The following PPP4R4 variants were observed in gnomAD, a reference collection of about 807,000 sequenced individuals.
PPP4R4 encodes serine/threonine-protein phosphatase 4 regulatory subunit 4.
Under a neutral mutation model 121.8 loss-of-function variants are expected in PPP4R4, and 70 were observed. That is an observed-to-expected ratio of 0.57 (90% CI 0.47 to 0.70). The LOEUF (loss-of-function observed/expected upper bound fraction) is 0.70, where lower values mean the gene tolerates loss of function less well. Among genes scored for constraint, PPP4R4 ranks in the 30% least tolerant of loss-of-function variants. PPP4R4 has a pLI of 0.00. For synonymous variants in PPP4R4, 348 were observed against 355.7 expected, an observed-to-expected ratio of 0.98 and a Z score of 0.24; for missense variants, 875 against 1,033.6, an observed-to-expected ratio of 0.85 and a Z score of 2.10.
intron 23 of PPP4R4, among the ~76,000 whole-genome samples, chr14:94,269,769 C>T (rs562359049): frequency 6.6e-6 from 1 of 152,228 alleles, no homozygotes; most frequent in African/African-American, 2.4e-5. Flanking sequence ...AACACGAATC[C>T]ACTGTTCATT....
rs533090505 is a variant in PPP4R4, at chr14:94,231,982, GTTTCTCTTTA to G, written c.516+670_516+679del. ...TGAATATTTTCTCATATTTATATCA[GTTTCTCTTTA>G]TTCCTTTGCAATTGTTTGATCCTAT... On this transcript the variant is annotated intron_variant, in intron 5 of 24. Transcript: ENST00000304338. Among the ~76,000 whole-genome samples, 1,274 of 152,132 alleles carry G rather than the reference GTTTCTCTTTA, an allele frequency of 8.4e-3. 6 individuals are homozygous for G. The highest frequency in any genetic ancestry group is 0.038 in the Middle Eastern group (11 of 292).
intron 22 of PPP4R4, 57 bp downstream of exon 22, chr14:94,265,944 C>A: frequency 2.6e-6 from 3 of 1,141,540 alleles, no homozygotes; most frequent in African/African-American, 1.6e-5. Context: ...TTCACATCTT[C>A]ATATATATGA....
intron 2 of PPP4R4, among the ~76,000 whole-genome samples, chr14:94,187,093 T>A (rs1414909741): frequency 6.6e-6 from 1 of 152,080 alleles, no homozygotes; most frequent in Non-Finnish European, 1.5e-5. Context: ...GGTGGGCAGA[T>A]CACAAGGCAG....
At position 94,258,283 on chromosome 14, in the gene PPP4R4, G is replaced by T. The variant is rs1334378951; in HGVS notation, c.2011-500G>T. The stretch of plus-strand genomic sequence containing the variant: ...GTTAGATTGACCATTGTTTTGATTG[G>T]GATAATTTGTTTCAAACTAGTGTAT... On this transcript the variant is annotated intron_variant, in intron 17 of 24. Coordinates refer to ENST00000304338, the MANE Select transcript of PPP4R4 (RefSeq NM_058237.2). Among the ~76,000 whole-genome samples the T allele has an allele frequency of 2.0e-5, 3 of 152,012 alleles. No homozygotes were observed. The East Asian group carries it at 5.8e-4, about 29-fold the overall frequency.
chr14:94,176,240 C>A, intron 2 of PPP4R4, 113 bp downstream of exon 2: 1 of 886,680 alleles, frequency 1.1e-6, no homozygotes, highest in Non-Finnish European at 1.9e-6. Context: ...GCCACTTGAA[C>A]AGAGTACTTT....
intron 14 of PPP4R4, among the ~76,000 whole-genome samples, chr14:94,248,541 G>C (rs1292320024): frequency 6.6e-6 from 1 of 152,040 alleles, no homozygotes; most frequent in Non-Finnish European, 1.5e-5. Context: ...ATTTTTCACA[G>C]AATTAAAAAA....
chr14:94,200,686 C>T (rs576142102), intron 2 of PPP4R4, among the ~76,000 whole-genome samples: 3 of 151,958 alleles, frequency 2.0e-5, no homozygotes, highest in South Asian at 4.1e-4. Context: ...TGATATCTCC[C>T]GTTTCATTTC....
intron 3 of PPP4R4, among the ~76,000 whole-genome samples, chr14:94,221,304 G>T (rs1200252622): frequency 6.6e-6 from 1 of 152,082 alleles, no homozygotes; most frequent in Non-Finnish European, 1.5e-5. Flanking sequence ...GTGACCTTGG[G>T]TTAGGTAAAA....
Position 94,242,275 on chromosome 14 carries a change from T to G in PPP4R4, c.1147-14T>G, listed in dbSNP as rs1296665140. 6.2e-7 allele frequency: 1 copy of G among 1,610,450 alleles called. No homozygotes were observed. Among genetic ancestry groups the G allele is most frequent in the South Asian group, 1.1e-5 (1 of 90,826 alleles). ...TTTCCTTCCCACTCATCTCCTCCCT[T>G]CCACCTCCACCAGGCCATGATTGTT... is the stretch of plus-strand genomic sequence containing the variant. On this transcript the variant is annotated splice_polypyrimidine_tract_variant and intron_variant, in intron 10 of 24. Transcript: ENST00000304338.
intron 19 of PPP4R4, 49 bp downstream of exon 19, chr14:94,259,418 C>T: frequency 1.4e-6 from 2 of 1,459,328 alleles, no homozygotes; most frequent in Non-Finnish European, 1.8e-6. Flanking sequence ...TGATTAATAA[C>T]TGTGTTTTTT....
Position 94,174,351 on chromosome 14 carries a change from T to C in PPP4R4, c.-115T>C. On this transcript the variant is annotated 5_prime_UTR_variant, in exon 1 of 25. Coordinates refer to ENST00000304338, the MANE Select transcript of PPP4R4 (RefSeq NM_058237.2). ...CTCCCGCCGCCTGGCAGCCTCACGC[T>C]CGGCTCCAGCGGCCAAGAGCCGGAG... 1.0e-6 allele frequency: 1 copy of C among 970,668 alleles called. No individual in the cohort carries two copies. Among genetic ancestry groups the C allele is most frequent in the Non-Finnish European group, 1.3e-6 (1 of 744,394 alleles). 60.1% of individuals were successfully genotyped at this position (970,668 alleles called of 1,614,324 possible).
intron 3 of PPP4R4, among the ~76,000 whole-genome samples, chr14:94,215,957 T>G (rs1890997570): frequency 6.6e-6 from 1 of 152,238 alleles, no homozygotes; most frequent in Admixed American, 6.5e-5. Flanking sequence ...TTAGCTGGTA[T>G]GCATTATAGA....
intron 2 of PPP4R4, among the ~76,000 whole-genome samples, chr14:94,201,905 C>T (rs975490652): frequency 6.7e-6 from 1 of 149,588 alleles, no homozygotes; most frequent in Admixed American, 6.6e-5. Flanking sequence ...GCCCATCAGT[C>T]AATGAGTAGA....
At chr14:94,184,365 C>T (rs968326144) in intron 2 of PPP4R4, among the ~76,000 whole-genome samples, 5 of 151,900 alleles carry the variant, frequency 3.3e-5, no homozygotes, top group African/African-American at 1.2e-4. Flanking sequence ...CTCAAGTGTT[C>T]CTCCTGCCTC....
Position 94,256,434 on chromosome 14 carries a change from CAA to C in PPP4R4, c.1866-25_1866-24del, listed in dbSNP as rs777781989. 5.9e-6 allele frequency: 9 copies of C among 1,529,702 alleles called. No individual in the cohort carries two copies. In the East Asian group the frequency reaches 6.8e-5, roughly 12 times the overall value. 94.8% of individuals were successfully genotyped at this position (1,529,702 alleles called of 1,614,324 possible). A position where few individuals can be genotyped will look rare whatever the true frequency, so the allele number is the denominator to read the frequency against. On this transcript the variant is annotated intron_variant, in intron 16 of 24. Coordinates refer to ENST00000304338, the MANE Select transcript of PPP4R4 (RefSeq NM_058237.2). Reference sequence around the variant, plus strand: ...GTTATTCTTAGTTATTAACTTCACTCAAGAGTAAATACTATTTTATTGTAGAA... The same window carrying C: ...GTTATTCTTAGTTATTAACTTCACTCGAGTAAATACTATTTTATTGTAGAA...
At chr14:94,217,843 A>T (rs182787811) in intron 3 of PPP4R4, among the ~76,000 whole-genome samples, 1 of 152,240 alleles carries the variant, frequency 6.6e-6, no homozygotes. Flanking sequence ...AAAAATACAA[A>T]ATTAGCCAGG....
intron 23 of PPP4R4, among the ~76,000 whole-genome samples, chr14:94,272,399 C>T (rs1894383624): frequency 6.6e-6 from 1 of 152,120 alleles, no homozygotes; most frequent in South Asian, 2.1e-4. Flanking sequence ...AAAGCCAATA[C>T]AATGGAGAAA....
intron 3 of PPP4R4, among the ~76,000 whole-genome samples, chr14:94,224,937 G>C (rs1891614213): frequency 6.6e-6 from 1 of 151,942 alleles, no homozygotes; most frequent in Non-Finnish European, 1.5e-5. Flanking sequence ...ATATCACAAG[G>C]GTTTTGGCAA....
At chr14:94,182,420 C>T (rs546398627) in intron 2 of PPP4R4, among the ~76,000 whole-genome samples, 2 of 152,212 alleles carry the variant, frequency 1.3e-5, no homozygotes, top group South Asian at 4.1e-4. Flanking sequence ...CTTTGTATTC[C>T]TGTCCCAGTG....
Sources: gnomAD v4.1 joint callset for allele counts (sites outside exome capture counted in the v4.1 genomes callset) on GRCh38, gnomAD v4.1.1 for gene constraint, MANE v1.5 for transcripts, NCBI Gene and HGNC (gene_info 2026-07-23, HGNC 2026-07-21) for gene names.